Variants in GOLGA4 observed in about 807,000 individuals in gnomAD.
GOLGA4 encodes the protein golgin subfamily A member 4.
In GOLGA4, 169 loss-of-function variants were observed where a neutral mutation model predicts 265.9. The observed-to-expected ratio is 0.64, with a 90% CI of 0.56 to 0.72. The LOEUF is 0.72. Among genes scored for constraint, GOLGA4 ranks in the 30% least tolerant of loss-of-function variants. The probability of loss-of-function intolerance (pLI) is 0.00; values close to 1 mark genes in which losing one functional copy is unlikely to be tolerated. For missense variants in GOLGA4, 2,482 were observed against 2,483.4 expected, an observed-to-expected ratio of 1.00 and a Z score of 0.01; for synonymous variants, 923 against 855.8, an observed-to-expected ratio of 1.08 and a Z score of -1.37.
intron 21 of GOLGA4, among the ~76,000 whole-genome samples, chr3:37,353,627 TC>T (rs1559470897): frequency 6.6e-6 from 1 of 151,982 alleles, no homozygotes; most frequent in Non-Finnish European, 1.5e-5. Flanking sequence ...AACCTCAAAT[TC>T]CTGGATTCAA....
intron 2 of GOLGA4, among the ~76,000 whole-genome samples, chr3:37,258,228 A>G (rs991187201): frequency 2.7e-5 from 4 of 147,052 alleles, no homozygotes; most frequent in Non-Finnish European, 6.0e-5. Flanking sequence ...TATGCTCTGT[A>G]TATGTATGAG....
In GOLGA4 at chr3:37,276,092, C is replaced by T. The variant is rs2096817420; in HGVS notation, c.163-5866C>T. 1.9e-6 allele frequency: 3 copies of T among 1,611,832 alleles called. No homozygotes were observed. The South Asian group carries it at 3.3e-5, about 18-fold the overall frequency. ...TTATGTTTCATCCTTTCCTCGGGCA[C>T]CAAGCACTTCTGATTCTGTGCAGTT... On this transcript the variant is annotated intron_variant, in intron 2 of 23. Transcript: ENST00000361924.
intron 2 of GOLGA4, among the ~76,000 whole-genome samples, chr3:37,260,061 G>A (rs562065081): frequency 6.6e-6 from 1 of 151,462 alleles, no homozygotes; most frequent in South Asian, 2.1e-4. Context: ...TTTTACAGGG[G>A]TGTCTAATCT....
rs1400389132 is a variant in GOLGA4 at position 37,327,036 on chromosome 3, C to T, written c.5150C>T (p.Ala1717Val). 2.5e-6 allele frequency: 4 copies of T among 1,613,644 alleles called. No homozygotes were observed. The Admixed American group carries it at 5.0e-5, about 20-fold the overall frequency. Residue 1717 changes from alanine (A) to valine (V), a missense_variant, in exon 14 of 24, where the codon GCA (alanine) becomes GTA (valine). Coordinates refer to ENST00000361924, the MANE Select transcript of GOLGA4 (RefSeq NM_002078.5). ...IVPRSAKNVA[A>V]YTEQEEADSQ... Reference sequence around the variant, plus strand: ...CCCAGATCAGCAAAAAATGTGGCAGCATATACTGAACAAGAAGAAGCAGAT... The same window carrying T: ...CCCAGATCAGCAAAAAATGTGGCAGTATATACTGAACAAGAAGAAGCAGAT...
At chr3:37,290,717 T>C (rs1479871480) in intron 5 of GOLGA4, among the ~76,000 whole-genome samples, 1 of 152,174 alleles carries the variant, frequency 6.6e-6, no homozygotes, top group Non-Finnish European at 1.5e-5. Flanking sequence ...CCCAAGATTC[T>C]GCTTTCCTAG....
Position 37,361,250 on chromosome 3 carries a change from C to A in GOLGA4, c.6671C>A (p.Ser2224Ter). The A allele has an allele frequency of 6.2e-7, 1 of 1,612,278 alleles. No homozygotes were observed. The highest frequency in any genetic ancestry group is 8.5e-7 in the Non-Finnish European group (1 of 1,178,490). ...EREDARLMFT[S>*]PRSGIF ...TTCTTCCTGGCTTTGTAGTTTACTT[C>A]ACCTCGCAGTGGTATCTTCTGAGTA... The change falls in exon 23 of 24, where the codon TCA becomes TAA. Residue 2224 changes from serine to a stop codon, truncating the protein, a stop_gained. Transcript: ENST00000361924. LOFTEE classifies it high-confidence loss of function.
intron 6 of GOLGA4, among the ~76,000 whole-genome samples, chr3:37,295,419 A>G (rs575719961): frequency 1.3e-5 from 2 of 152,134 alleles, no homozygotes; most frequent in South Asian, 2.1e-4. Context: ...GGGTCTCACT[A>G]TGTCGCCCAG....
At chr3:37,359,490 A>G (rs2097098962) in intron 22 of GOLGA4, among the ~76,000 whole-genome samples, 2 of 152,170 alleles carry the variant, frequency 1.3e-5, no homozygotes, top group African/African-American at 2.4e-5. Context: ...ATAAATGGAC[A>G]TCACTGTTTT....
chr3:37,258,057 GTATGTATATATGTATATATATA>G (rs2096757992), intron 2 of GOLGA4, among the ~76,000 whole-genome samples: 5 of 68,908 alleles, frequency 7.3e-5, no homozygotes, highest in Admixed American at 1.6e-4. Flanking sequence ...ATATATATAT[GTATGTATATATGTATATATATA>G]TGTGTGTATA....
chr3:37,302,513 G>C (rs1188502229), intron 10 of GOLGA4, among the ~76,000 whole-genome samples, 181 bp downstream of exon 10: 2 of 152,264 alleles, frequency 1.3e-5, no homozygotes. Flanking sequence ...CTGTGGGCCA[G>C]ATCCAGCCCA....
chr3:37,251,677 G>C (rs1317755702), intron 2 of GOLGA4, among the ~76,000 whole-genome samples, 193 bp downstream of exon 2: 2 of 141,864 alleles, frequency 1.4e-5, no homozygotes, highest in African/African-American at 5.4e-5. Flanking sequence ...CTGTCTGTCT[G>C]TCTGTATGTA....
At chr3:37,350,107 G>A (rs894718444) in intron 21 of GOLGA4, among the ~76,000 whole-genome samples, 1 of 152,162 alleles carries the variant, frequency 6.6e-6, no homozygotes, top group Admixed American at 6.6e-5. Flanking sequence ...ATACCTGGCA[G>A]GAGAGATCAC....
chr3:37,297,105 A>C (rs1015039122), intron 7 of GOLGA4, among the ~76,000 whole-genome samples: 4 of 152,292 alleles, frequency 2.6e-5, no homozygotes, highest in Non-Finnish European at 4.4e-5. Flanking sequence ...TATTTGTCCT[A>C]TTAATTGCTT....
In GOLGA4 at chr3:37,324,242, A is replaced by G. The variant is rs1278763734; in HGVS notation, c.2356A>G (p.Ile786Val). The change falls in exon 14 of 24, where the codon ATT (isoleucine) becomes GTT (valine). Residue 786 changes from isoleucine to valine, a missense_variant. Physicochemically the swap from Ile to Val is conservative, Grantham distance 29. Around this residue, in one of 3 missense-constraint regions of GOLGA4, gnomAD observed 1,536 missense variants for 1,483.7 expected, o/e 1.04. Coordinates refer to ENST00000361924, the MANE Select transcript of GOLGA4 (RefSeq NM_002078.5). ...TCATGTAGAAAATTTAGAGGCAGAT[A>G]TTAAAAGGTCTGAAGGGGAACTCCA... ...QAHVENLEAD[I>V]KRSEGELQQA... 32 of 1,614,088 alleles carry G rather than the reference A, an allele frequency of 2.0e-5. No homozygotes were observed. Among genetic ancestry groups the G allele is most frequent in the Non-Finnish European group, 2.6e-5 (31 of 1,180,026 alleles).
At chr3:37,266,651 C>G (rs1376410889) in intron 2 of GOLGA4, among the ~76,000 whole-genome samples, 1 of 152,080 alleles carries the variant, frequency 6.6e-6, no homozygotes, top group African/African-American at 2.4e-5. Flanking sequence ...ATCTCCATTC[C>G]TGATATTTTC....
At chr3:37,338,601 T>C (rs1175873577) in intron 19 of GOLGA4, among the ~76,000 whole-genome samples, 1 of 152,232 alleles carries the variant, frequency 6.6e-6, no homozygotes, top group Non-Finnish European at 1.5e-5. Flanking sequence ...CATTAAAAGT[T>C]AACATTTTAA....
rs1313166425 is a variant in GOLGA4, at chr3:37,323,799, A to G, written c.1913A>G (p.Tyr638Cys). ...AAACTCCAAGTCTTAAAGCAACAAT[A>G]TCAGACTGAAATGGAAAAACTTAGG... ...TEKLQVLKQQ[Y>C]QTEMEKLREK... Residue 638 changes from tyrosine (Y) to cysteine (C), a missense_variant, in exon 14 of 24, where the codon TAT becomes TGT. Tyr to Cys is a radical substitution (Grantham distance 194, BLOSUM62 -2). Coordinates refer to ENST00000361924, the MANE Select transcript of GOLGA4 (RefSeq NM_002078.5). The G allele has an allele frequency of 4.3e-6, 7 of 1,610,026 alleles. No individual in the cohort carries two copies. The highest frequency in any genetic ancestry group is 1.7e-5 in the Admixed American group (1 of 59,180).
intron 5 of GOLGA4, among the ~76,000 whole-genome samples, chr3:37,292,206 T>C (rs1346034211): frequency 6.6e-6 from 1 of 152,154 alleles, no homozygotes; most frequent in Non-Finnish European, 1.5e-5. Flanking sequence ...GACTGCTATG[T>C]AACAGAGTCC....
intron 2 of GOLGA4, among the ~76,000 whole-genome samples, chr3:37,265,275 T>C (rs2096780593): frequency 1.3e-5 from 2 of 152,188 alleles, no homozygotes; most frequent in Non-Finnish European, 1.5e-5. Flanking sequence ...GTATACAGTT[T>C]CTGAAAGAAA....
Sources: gnomAD v4.1 joint callset for allele counts (sites outside exome capture counted in the v4.1 genomes callset) on GRCh38, gnomAD v4.1.1 for gene constraint, gnomAD v4.1.1 regional missense constraint, MANE v1.5 for transcripts, NCBI Gene and HGNC (gene_info 2026-07-23, HGNC 2026-07-21) for gene names.